The following AFAP1L2 variants were observed in gnomAD, a reference collection of about 807,000 sequenced individuals.
The protein encoded by AFAP1L2 is actin filament-associated protein 1-like 2.
AFAP1L2 carries 46 observed loss-of-function variants against 99.3 expected under a neutral mutation model. That is an observed-to-expected ratio of 0.46 (90% CI 0.37 to 0.59). The LOEUF (loss-of-function observed/expected upper bound fraction) is 0.59. AFAP1L2 is among the 20% of genes least tolerant of loss of function. The probability of loss-of-function intolerance (pLI) is 0.00; values close to 1 mark genes in which losing one functional copy is unlikely to be tolerated. For synonymous variants in AFAP1L2, 397 were observed against 419.1 expected, an observed-to-expected ratio of 0.95 and a Z score of 0.64; for missense variants, 959 against 1,034.9, an observed-to-expected ratio of 0.93 and a Z score of 1.01.
chr10:114,285,386 A>G, the AFAP1L2 span, among the ~76,000 whole-genome samples: 118 of 152,356 alleles, frequency 7.7e-4, no homozygotes, highest in Non-Finnish European at 1.4e-3. Context: ...GCTTTACCTC[A>G]CTGGGTGGTT....
At chr10:114,359,319 A>G (rs764534005) in intron 1 of AFAP1L2, among the ~76,000 whole-genome samples, 2 of 152,248 alleles carry the variant, frequency 1.3e-5, no homozygotes, top group South Asian at 4.1e-4. Context: ...GGTATTCAAA[A>G]GGCTATATGA....
At chr10:114,402,598 G>A (rs1379814714) in intron 1 of AFAP1L2, among the ~76,000 whole-genome samples, 1 of 152,200 alleles carries the variant, frequency 6.6e-6, no homozygotes, top group Non-Finnish European at 1.5e-5. Flanking sequence ...CCCTGACCTG[G>A]AAACGAAGTT....
intron 4 of AFAP1L2, among the ~76,000 whole-genome samples, chr10:114,331,068 G>A (rs2047159833): frequency 6.6e-6 from 1 of 152,170 alleles, no homozygotes; most frequent in African/African-American, 2.4e-5. Context: ...GGGCAGAAAG[G>A]AGGCCAGTGA....
intron 1 of AFAP1L2, among the ~76,000 whole-genome samples, chr10:114,388,707 G>T (rs1437713101): frequency 6.6e-6 from 1 of 152,110 alleles, no homozygotes; most frequent in Non-Finnish European, 1.5e-5. Flanking sequence ...CATTTAAAGG[G>T]GCTAATTAAG....
the AFAP1L2 span, chr10:114,285,986 G>A: frequency 6.2e-7 from 1 of 1,612,690 alleles, no homozygotes; most frequent in Non-Finnish European, 8.5e-7. Flanking sequence ...CTTCCTGCTG[G>A]ACAGCTCTGC....
intron 4 of AFAP1L2, among the ~76,000 whole-genome samples, chr10:114,329,975 A>G (rs910173051): frequency 2.0e-5 from 3 of 152,078 alleles, no homozygotes; most frequent in Admixed American, 6.6e-5. Flanking sequence ...TGTGCATGGT[A>G]TGGGGTTGAG....
At chr10:114,335,595 A>G (rs546509053) in intron 2 of AFAP1L2, among the ~76,000 whole-genome samples, 2 of 145,450 alleles carry the variant, frequency 1.4e-5, no homozygotes, top group East Asian at 2.1e-4. Flanking sequence ...CCTGGTCAAC[A>G]GAGCAAGACT....
chr10:114,307,957 A>T, intron 9 of AFAP1L2, 48 bp from the exon 10 acceptor site: 1 of 1,558,850 alleles, frequency 6.4e-7, no homozygotes, highest in Non-Finnish European at 8.9e-7. Flanking sequence ...TGGTCCACCC[A>T]CGTGCCCATG....
chr10:114,310,952 G>GCCCCC (rs1554887399), intron 7 of AFAP1L2, among the ~76,000 whole-genome samples: 19 of 133,822 alleles, frequency 1.4e-4, no homozygotes, highest in East Asian at 2.3e-4. Flanking sequence ...CTCGCCTGCC[G>GCCCCC]CCACCCACCC....
At chr10:114,301,713 G>A (rs370959513) in intron 12 of AFAP1L2, 64 of 523,418 alleles carry the variant, frequency 1.2e-4, no homozygotes, top group African/African-American at 9.2e-4. Flanking sequence ...CATACGCCTC[G>A]TCCTAGGATC....
chr10:114,389,759 C>T (rs1462864978), intron 1 of AFAP1L2, among the ~76,000 whole-genome samples: 1 of 152,152 alleles, frequency 6.6e-6, no homozygotes, highest in African/African-American at 2.4e-5. Context: ...TAGAGTCAAA[C>T]GTAGGGATAG....
intron 9 of AFAP1L2, among the ~76,000 whole-genome samples, chr10:114,308,175 C>T (rs778269730): frequency 6.6e-6 from 1 of 152,214 alleles, no homozygotes; most frequent in Non-Finnish European, 1.5e-5. Context: ...TCTTTACACA[C>T]TGTACTGGCT....
intron 1 of AFAP1L2, among the ~76,000 whole-genome samples, chr10:114,366,829 G>A (rs984881600): frequency 3.9e-5 from 6 of 152,294 alleles, no homozygotes; most frequent in East Asian, 3.9e-4. Flanking sequence ...TTAGTCAGGC[G>A]TGGTGTCGCG....
intron 1 of AFAP1L2, among the ~76,000 whole-genome samples, chr10:114,401,125 G>A (rs1318956219): frequency 6.6e-6 from 1 of 152,192 alleles, no homozygotes; most frequent in Non-Finnish European, 1.5e-5. Flanking sequence ...GGGGGGACTG[G>A]ATGATCAAAT....
chr10:114,315,730 A>G lies in AFAP1L2; in HGVS notation c.442T>C (p.Tyr148His), dbSNP rs763441493. ...CCCTTGCTGCCGTCCTCTTCATCGTAGGACTCGTAGGAGCTGCTCACAGCC... is the reference window on the plus strand; with the variant it reads ...CCCTTGCTGCCGTCCTCTTCATCGTGGGACTCGTAGGAGCTGCTCACAGCC... Reference protein sequence around the residue: ...GEAVSSSYESYDEEDGSKGKS... With the variant: ...GEAVSSSYESHDEEDGSKGKS... The change falls in exon 6 of 19, where the codon TAC becomes CAC. Residue 148 changes from tyrosine to histidine, a missense_variant. This residue lies in a region of AFAP1L2 where 383 missense variants were observed against 472.8 expected (regional missense o/e 0.81). Transcript: ENST00000304129. 2 of 1,613,192 alleles carry G rather than the reference A, an allele frequency of 1.2e-6. No homozygotes were observed. Among genetic ancestry groups the G allele is most frequent in the Admixed American group, 1.7e-5 (1 of 59,998 alleles).
chr10:114,343,895 A>T (rs1206066757), intron 1 of AFAP1L2, among the ~76,000 whole-genome samples: 1 of 152,198 alleles, frequency 6.6e-6, no homozygotes, highest in African/African-American at 2.4e-5. Context: ...ATCCAAGGCA[A>T]TGGTGCTGCT....
At chr10:114,350,348 T>C (rs540149895) in intron 1 of AFAP1L2, among the ~76,000 whole-genome samples, 5 of 152,224 alleles carry the variant, frequency 3.3e-5, no homozygotes, top group Non-Finnish European at 7.3e-5. Context: ...TGTTGTCCCA[T>C]GGATGCAAGT....
intron 1 of AFAP1L2, among the ~76,000 whole-genome samples, chr10:114,368,923 A>G (rs942060779): frequency 4.6e-5 from 7 of 152,140 alleles, no homozygotes; most frequent in Non-Finnish European, 7.4e-5. Context: ...AAATGTATAC[A>G]ATTTTTATTT....
At chr10:114,365,942 C>T (rs766199124) in intron 1 of AFAP1L2, among the ~76,000 whole-genome samples, 7 of 151,772 alleles carry the variant, frequency 4.6e-5, no homozygotes, top group Non-Finnish European at 1.0e-4. Flanking sequence ...TGCTATATTG[C>T]CCAGGCTAGT....
Sources: gnomAD v4.1 joint callset for allele counts (sites outside exome capture counted in the v4.1 genomes callset) on GRCh38, gnomAD v4.1.1 for gene constraint, gnomAD v4.1.1 regional missense constraint, MANE v1.5 for transcripts, NCBI Gene and HGNC (gene_info 2026-07-23, HGNC 2026-07-21) for gene names.